NLGN1: variants seen among roughly 807,000 people sequenced by gnomAD.
NLGN1 encodes the protein neuroligin 1.
NLGN1 carries 12 observed loss-of-function variants against 65.5 expected under a neutral mutation model. The ratio of observed to expected loss-of-function variants is 0.18; its 90% CI spans 0.12 to 0.30. The LOEUF (loss-of-function observed/expected upper bound fraction) is 0.30. Ranked by LOEUF, NLGN1 falls within the 10% of genes least tolerant of loss-of-function variation. The pLI is 1.00. For synonymous variants in NLGN1, 350 were observed against 359.5 expected (o/e 0.97, Z 0.30); for missense variants, 750 against 1,007.1 (o/e 0.74, Z 3.46).
intron 4 of NLGN1, among the ~76,000 whole-genome samples, chr3:173,946,052 T>A (rs545455059): frequency 6.6e-6 from 1 of 152,340 alleles, no homozygotes; most frequent in East Asian, 1.9e-4. Flanking sequence ...TCCTTAGAGA[T>A]GTCATCAGCT....
intron 3 of NLGN1, among the ~76,000 whole-genome samples, chr3:173,769,174 TCCTACC>T: frequency 6.6e-6 from 1 of 152,274 alleles, no homozygotes; most frequent in East Asian, 1.9e-4. Context: ...GAACATCACC[TCCTACC>T]CCTTACACTC....
At chr3:173,524,920 C>T (rs957956556) in intron 2 of NLGN1, among the ~76,000 whole-genome samples, 1 of 151,976 alleles carries the variant, frequency 6.6e-6, no homozygotes, top group South Asian at 2.1e-4. Flanking sequence ...AAACCCCTGC[C>T]CCCAATCATG....
intron 1 of NLGN1, among the ~76,000 whole-genome samples, chr3:173,434,216 CAA>C (rs1407173074): frequency 6.6e-6 from 1 of 152,116 alleles, no homozygotes. Flanking sequence ...AATATTTTCT[CAA>C]GTTTCCTTTT....
intron 2 of NLGN1, among the ~76,000 whole-genome samples, chr3:173,573,331 G>T (rs544077532): frequency 6.6e-6 from 1 of 152,080 alleles, no homozygotes; most frequent in African/African-American, 2.4e-5. Flanking sequence ...TGGTACAGAG[G>T]ATGCATTCAA....
At chr3:173,905,087 A>T (rs995079690) in intron 4 of NLGN1, among the ~76,000 whole-genome samples, 2 of 152,078 alleles carry the variant, frequency 1.3e-5, no homozygotes, top group African/African-American at 2.4e-5. Context: ...TACCCGCCTG[A>T]TGCAAAGAAC....
At chr3:173,634,520 C>T (rs1179535360) in intron 3 of NLGN1, among the ~76,000 whole-genome samples, 1 of 152,048 alleles carries the variant, frequency 6.6e-6, no homozygotes, top group Non-Finnish European at 1.5e-5. Context: ...TTCTTTTCAA[C>T]TAGCAATAAA....
chr3:173,523,526 G>T (rs1396925440), intron 2 of NLGN1, among the ~76,000 whole-genome samples: 2 of 151,576 alleles, frequency 1.3e-5, no homozygotes, highest in Non-Finnish European at 3.0e-5. Context: ...TTTTCCCATT[G>T]TTTATTTTTG....
intron 1 of NLGN1, among the ~76,000 whole-genome samples, chr3:173,420,440 G>A (rs1183032489): frequency 6.6e-6 from 1 of 152,072 alleles, no homozygotes; most frequent in African/African-American, 2.4e-5. Context: ...GTATTCCATG[G>A]TGTATATGTG....
chr3:173,889,019 A>T (rs989261163), intron 4 of NLGN1, among the ~76,000 whole-genome samples: 1 of 152,118 alleles, frequency 6.6e-6, no homozygotes, highest in Admixed American at 6.6e-5. Context: ...TTTTGTTTGT[A>T]TTCACTGTCT....
At chr3:174,032,307 T>C (rs964720931) in intron 4 of NLGN1, among the ~76,000 whole-genome samples, 1 of 152,176 alleles carries the variant, frequency 6.6e-6, no homozygotes, top group Admixed American at 6.5e-5. Context: ...AAAAGGATCT[T>C]AAAGTATTAC....
chr3:173,872,441 G>A (rs1293355915), intron 4 of NLGN1, among the ~76,000 whole-genome samples: 2 of 152,138 alleles, frequency 1.3e-5, no homozygotes, highest in African/African-American at 4.8e-5. Context: ...CTAGAAAAAT[G>A]CAAAAACATG....
At chr3:173,488,681 C>T (rs1383149711) in intron 2 of NLGN1, among the ~76,000 whole-genome samples, 1 of 151,768 alleles carries the variant, frequency 6.6e-6, no homozygotes, top group Non-Finnish European at 1.5e-5. Flanking sequence ...TCTTTTTATC[C>T]CTGGTGTCTT....
At chr3:173,477,885 T>C (rs779357856) in intron 2 of NLGN1, among the ~76,000 whole-genome samples, 7 of 152,052 alleles carry the variant, frequency 4.6e-5, no homozygotes, top group Admixed American at 1.3e-4. Flanking sequence ...ATGGCAATTA[T>C]TAGAAAGTCA....
At position 173,813,490 on chromosome 3, in the gene NLGN1, C is replaced by T. The variant is rs183057397; in HGVS notation, c.646+5658C>T. 7.2e-5 allele frequency among the ~76,000 whole-genome samples: 11 copies of T among 152,034 alleles called. No homozygotes were observed. The South Asian group carries it at 8.3e-4, about 11-fold the overall frequency. ...ACTGTTTTCATGGAAATGGTGGTACCGGAGGAAGGCCACAAAGAGTGGAGT... is the reference window on the plus strand; with the variant it reads ...ACTGTTTTCATGGAAATGGTGGTACTGGAGGAAGGCCACAAAGAGTGGAGT... On this transcript the variant is annotated intron_variant, in intron 4 of 6. Coordinates refer to ENST00000457714, the Ensembl canonical transcript of NLGN1.
intron 4 of NLGN1, among the ~76,000 whole-genome samples, chr3:174,037,176 C>T (rs1033838604): frequency 2.0e-5 from 3 of 152,174 alleles, no homozygotes; most frequent in Non-Finnish European, 4.4e-5. Flanking sequence ...GGAATCACCA[C>T]AGTGTCTTCC....
chr3:174,054,093 T>C (rs2152507278), intron 4 of NLGN1, among the ~76,000 whole-genome samples: 1 of 152,176 alleles, frequency 6.6e-6, no homozygotes, highest in East Asian at 1.9e-4. Context: ...AAAAGTAGAT[T>C]TGCTCAAAAT....
intron 4 of NLGN1, among the ~76,000 whole-genome samples, chr3:174,080,733 A>G (rs1337275074): frequency 2.0e-5 from 3 of 151,164 alleles, no homozygotes; most frequent in African/African-American, 7.3e-5. Context: ...TCTTATCAGG[A>G]GGCTGCTGAT....
At chr3:173,484,143 G>GA (rs373866925) in intron 2 of NLGN1, among the ~76,000 whole-genome samples, 1 of 152,158 alleles carries the variant, frequency 6.6e-6, no homozygotes, top group African/African-American at 2.4e-5. Flanking sequence ...AATTAAGCAG[G>GA]AAAAAACCTT....
chr3:173,844,242 G>A (rs1422110132), intron 4 of NLGN1, among the ~76,000 whole-genome samples: 1 of 152,158 alleles, frequency 6.6e-6, no homozygotes, highest in Non-Finnish European at 1.5e-5. Flanking sequence ...TGAAATTTGG[G>A]TGGAGACACA....
Sources: allele counts gnomAD v4.1 joint callset (sites outside exome capture counted in the v4.1 genomes callset), GRCh38; gene constraint gnomAD v4.1.1; transcripts MANE v1.5; gene names NCBI Gene and HGNC (gene_info 2026-07-23, HGNC 2026-07-21).